SYN3: variants seen among roughly 807,000 people sequenced by gnomAD.
SYN3 encodes synapsin III, also known as synapsin-3.
Under a neutral mutation model 65.8 loss-of-function variants are expected in SYN3, and 35 were observed. The observed-to-expected ratio is 0.53, with a 90% CI of 0.41 to 0.70. SYN3 has a LOEUF of 0.70. SYN3 is among the 30% of genes least tolerant of loss of function. SYN3 has a pLI of 0.00. For missense variants in SYN3, 680 were observed against 749.0 expected (o/e 0.91, Z 1.08); for synonymous variants, 270 against 292.9 (o/e 0.92, Z 0.80).
chr22:32,781,831 TG>T (rs1466715526), intron 6 of SYN3, among the ~76,000 whole-genome samples: 1 of 152,080 alleles, frequency 6.6e-6, no homozygotes, highest in African/African-American at 2.4e-5. Context: ...ATTGGATTAC[TG>T]AGTAGATTTA....
Position 32,886,069 on chromosome 22 carries a change from T to A in SYN3, c.462-16944A>T, listed in dbSNP as rs1040294722. 2.6e-5 allele frequency among the ~76,000 whole-genome samples: 4 copies of A among 152,332 alleles called. No individual in the cohort carries two copies. In the East Asian group the frequency reaches 7.7e-4, roughly 29 times the overall value. On this transcript the variant is annotated intron_variant, in intron 4 of 13. Transcript: ENST00000358763. ...GACAGCACACCTTCCGAAACCTTTA[T>A]TTTCATGGACAGCCATATGTTGTTC...
intron 1 of SYN3, among the ~76,000 whole-genome samples, chr22:33,040,385 T>A (rs2053942132): frequency 6.6e-6 from 1 of 152,154 alleles, no homozygotes; most frequent in Non-Finnish European, 1.5e-5. Flanking sequence ...TCTCTCTCAA[T>A]CCCTAGCTCA....
At chr22:32,711,162 G>T (rs2060960296) in intron 6 of SYN3, among the ~76,000 whole-genome samples, 1 of 152,186 alleles carries the variant, frequency 6.6e-6, no homozygotes, top group Non-Finnish European at 1.5e-5. Flanking sequence ...ACTGGAATGG[G>T]TTGGTCACCC....
At chr22:32,986,146 G>T (rs575736647) in intron 2 of SYN3, among the ~76,000 whole-genome samples, 1 of 152,166 alleles carries the variant, frequency 6.6e-6, no homozygotes, top group South Asian at 2.1e-4. Context: ...CTTAACAAAT[G>T]TTCGCTGACC....
chr22:32,793,843 T>C (rs1413346970), intron 6 of SYN3, among the ~76,000 whole-genome samples: 1 of 152,164 alleles, frequency 6.6e-6, no homozygotes, highest in Non-Finnish European at 1.5e-5. Flanking sequence ...TGGTAATAAA[T>C]CAAGACACAG....
intron 6 of SYN3, among the ~76,000 whole-genome samples, chr22:32,615,168 T>C (rs112207112): frequency 2.0e-5 from 3 of 152,180 alleles, no homozygotes; most frequent in African/African-American, 7.2e-5. Flanking sequence ...ATCCCAGCCA[T>C]GGGAAGAATC....
intron 6 of SYN3, among the ~76,000 whole-genome samples, chr22:32,609,489 T>C (rs1326813982): frequency 6.6e-6 from 1 of 151,650 alleles, no homozygotes; most frequent in African/African-American, 2.4e-5. Flanking sequence ...TTTTTTTTTT[T>C]TTTAAGAGAC....
chr22:32,507,950 C>T lies in SYN3; in HGVS notation c.*5742G>A, dbSNP rs562165381. 0.058 allele frequency among the ~76,000 whole-genome samples: 8,830 copies of T among 151,744 alleles called. 827 individuals are homozygous for T. Among genetic ancestry groups the T allele is most frequent in the African/African-American group, 0.2 (8,276 of 41,050 alleles). On this transcript the variant is annotated 3_prime_UTR_variant, in exon 14 of 14. Transcript: ENST00000358763. ...TTCCCACGCCGCCCCTAATCCCACT[C>T]GAAGCAGCCCTGAGAAACATCGCCC...
chr22:32,663,939 C>T lies in SYN3; in HGVS notation c.712-67203G>A, dbSNP rs77547047. On this transcript the variant is annotated intron_variant, in intron 6 of 13. Coordinates refer to ENST00000358763, the MANE Select transcript of SYN3 (RefSeq NM_003490.4). ...AGTATCTTTAACAGCATTCCCCCCC[C>T]ACACTGCACATTTTGAAAAAGGGAT... Among the ~76,000 whole-genome samples, 444 of 152,054 alleles carry T rather than the reference C, an allele frequency of 2.9e-3. 1 individual carries two copies. Among genetic ancestry groups the T allele is most frequent in the African/African-American group, 9.5e-3 (395 of 41,422 alleles).
At chr22:32,567,895 C>T (rs2146396291) in intron 7 of SYN3, among the ~76,000 whole-genome samples, 1 of 152,334 alleles carries the variant, frequency 6.6e-6, no homozygotes, top group African/African-American at 2.4e-5. Context: ...CTGCCTCCCT[C>T]CTCCTTCTCT....
chr22:33,056,997 T>C (rs180852320), intron 1 of SYN3, among the ~76,000 whole-genome samples: 5 of 152,208 alleles, frequency 3.3e-5, no homozygotes, highest in Admixed American at 1.3e-4. Flanking sequence ...CCAGAAACAA[T>C]ATCAAAATGA....
At chr22:32,928,287 A>G (rs1601713519) in intron 4 of SYN3, among the ~76,000 whole-genome samples, 1 of 152,210 alleles carries the variant, frequency 6.6e-6, no homozygotes, top group East Asian at 1.9e-4. Context: ...CCGAGATCGC[A>G]CCACTGCACT....
intron 6 of SYN3, among the ~76,000 whole-genome samples, chr22:32,812,270 T>C (rs1019225122): frequency 6.6e-6 from 1 of 152,186 alleles, no homozygotes; most frequent in African/African-American, 2.4e-5. Flanking sequence ...GTAGGTAACT[T>C]TGTTAGAAAT....
At chr22:32,773,522 C>G (rs2045829831) in intron 6 of SYN3, among the ~76,000 whole-genome samples, 1 of 151,300 alleles carries the variant, frequency 6.6e-6, no homozygotes, top group South Asian at 2.1e-4. Flanking sequence ...CCTCCTCTTT[C>G]TCAAAAGAGG....
chr22:32,775,987 T>C (rs73395581), intron 6 of SYN3, among the ~76,000 whole-genome samples: 5,602 of 152,230 alleles, frequency 0.037, 339 homozygotes, highest in African/African-American at 0.13. Flanking sequence ...GAGATTATCC[T>C]AGATCACCCA....
chr22:32,677,545 T>G (rs2060463325), intron 6 of SYN3, among the ~76,000 whole-genome samples: 1 of 152,134 alleles, frequency 6.6e-6, no homozygotes, highest in East Asian at 1.9e-4. Context: ...ATGCCTGTAA[T>G]CCCAGCACTT....
intron 4 of SYN3, among the ~76,000 whole-genome samples, chr22:32,876,236 C>T (rs2048978257): frequency 6.6e-6 from 1 of 152,054 alleles, no homozygotes; most frequent in Admixed American, 6.6e-5. Flanking sequence ...CTCTGGGGTC[C>T]CTTTTCAAGG....
intron 6 of SYN3, among the ~76,000 whole-genome samples, chr22:32,779,384 T>C (rs546861481): frequency 2.6e-5 from 4 of 152,286 alleles, no homozygotes; most frequent in South Asian, 4.1e-4. Context: ...CACTTGAACC[T>C]GGGAGGCGGA....
At chr22:33,056,964 T>C (rs531414168) in intron 1 of SYN3, among the ~76,000 whole-genome samples, 1 of 152,304 alleles carries the variant, frequency 6.6e-6, no homozygotes, top group Non-Finnish European at 1.5e-5. Context: ...AGAGGCCTGA[T>C]GACAAGACTG....
Sources: gnomAD v4.1 joint callset for allele counts (sites outside exome capture counted in the v4.1 genomes callset) on GRCh38, gnomAD v4.1.1 for gene constraint, MANE v1.5 for transcripts, NCBI Gene and HGNC (gene_info 2026-07-23, HGNC 2026-07-21) for gene names.